MVP: variants seen among roughly 807,000 people sequenced by gnomAD.
The protein encoded by MVP is major vault protein.
Under a neutral mutation model 83.5 loss-of-function variants are expected in MVP, and 62 were observed. The observed-to-expected ratio is 0.74, with a 90% CI of 0.61 to 0.92. The LOEUF is 0.92. Ranked by LOEUF, MVP falls within the 40% of genes least tolerant of loss-of-function variation. MVP has a pLI of 0.00. For missense variants in MVP, 1,000 were observed against 1,203.4 expected (o/e 0.83, Z 2.50); for synonymous variants, 505 against 504.1 (o/e 1.00, Z -0.02).
intron 11 of MVP, among the ~76,000 whole-genome samples, 200 bp downstream of exon 11, chr16:29,845,079 G>A (rs1004565084): frequency 3.9e-5 from 6 of 151,900 alleles, no homozygotes; most frequent in Non-Finnish European, 7.4e-5. Context: ...TCCCAGCACT[G>A]TGAGAGGCTG....
In MVP at chr16:29,841,485, G is replaced by A; in HGVS notation, c.1192-111G>A. ...AGCCTGGCCTCCCCGTAGAGAAGGT[G>A]TTTAACCTCGTGGCGCGCCTTCCCT... is the stretch of plus-strand genomic sequence containing the variant. On this transcript the variant is annotated intron_variant, in intron 8 of 14. Coordinates refer to ENST00000357402, the MANE Select transcript of MVP (RefSeq NM_005115.5). This position sits in a 1 kb window ranked among gnomAD's most constrained non-coding sequence, Gnocchi z 4.7. 3 of 1,392,410 alleles carry A rather than the reference G, an allele frequency of 2.2e-6. No homozygotes were observed. The highest frequency in any genetic ancestry group is 2.9e-6 in the Non-Finnish European group (3 of 1,044,360). The allele number at this position is 1,392,410 out of a possible 1,614,324, so 86.3% of individuals were successfully genotyped here.
chr16:29,821,604 C>T (rs2150748566), intron 1 of MVP, among the ~76,000 whole-genome samples: 1 of 152,302 alleles, frequency 6.6e-6, no homozygotes, highest in South Asian at 2.1e-4. Context: ...TTCTTGTTCT[C>T]GGCTTAGAAT....
At chr16:29,837,563 G>A (rs1340996449) in intron 7 of MVP, among the ~76,000 whole-genome samples, 1 of 152,156 alleles carries the variant, frequency 6.6e-6, no homozygotes, top group Non-Finnish European at 1.5e-5. Context: ...AGACTAGCCT[G>A]GCCAACGTGG....
In MVP at chr16:29,841,450, C is replaced by T. The variant is rs1039699307; in HGVS notation, c.1192-146C>T. ...GATGACAGGGCCAGCAGATGGCAAA[C>T]CCGGGGTGGAGCCTGGCCTCCCCGT... On this transcript the variant is annotated intron_variant, in intron 8 of 14. Transcript: ENST00000357402. This position sits in a 1 kb window ranked among gnomAD's most constrained non-coding sequence, Gnocchi z 4.7. The T allele has an allele frequency of 1.1e-4, 125 of 1,115,350 alleles. 2 individuals are homozygous for T. In the South Asian group the frequency reaches 2.1e-3, roughly 18 times the overall value. The allele number at this position is 1,115,350 out of a possible 1,614,324, so 69.1% of individuals were successfully genotyped here. A position where few individuals can be genotyped will look rare whatever the true frequency, so the allele number is the denominator to read the frequency against.
chr16:29,841,926 G>A lies in MVP; in HGVS notation c.1448G>A (p.Gly483Glu). 1 of 1,612,490 alleles carries A rather than the reference G, an allele frequency of 6.2e-7. No homozygotes were observed. Among genetic ancestry groups the A allele is most frequent in the Non-Finnish European group, 8.5e-7 (1 of 1,180,020 alleles). The change falls in exon 10 of 15, where the codon GGG (glycine) becomes GAG (glutamate). Residue 483 changes from glycine to glutamate, a missense_variant. By Grantham distance (98) the Gly-to-Glu change is moderately conservative (BLOSUM62 -2). Coordinates refer to ENST00000357402, the MANE Select transcript of MVP (RefSeq NM_005115.5). This position sits in a 1 kb window ranked among gnomAD's most constrained non-coding sequence, Gnocchi z 4.7. The part of the protein sequence containing the change: ...YREKRARVVF[G>E]PELVSLGPEE... ...GGCTGTCTCTGCAGCGTGGTCTTCG[G>A]GCCTGAGCTGGTGTCGCTGGGTCCT...
Position 29,836,746 on chromosome 16 carries a change from C to T in MVP, c.697C>T (p.Arg233Trp), listed in dbSNP as rs138398827. Residue 233 changes from arginine to tryptophan, a missense_variant, in exon 7 of 15, where the codon CGG becomes TGG. Arg to Trp is a moderately radical substitution (Grantham distance 101). Transcript: ENST00000357402. ...GACAGCCCTGCACCTCCGGGCTCGG[C>T]GGAACTTCCGGGACTTCAGGGGAGT... ...EKTALHLRAR[R>W]NFRDFRGVSR... The T allele has an allele frequency of 1.9e-5, 30 of 1,599,572 alleles. No homozygotes were observed. Among genetic ancestry groups the T allele is most frequent in the Non-Finnish European group, 2.6e-5 (30 of 1,170,162 alleles).
chr16:29,845,804 C>T (rs1376776645), intron 11 of MVP, 59 bp from the exon 12 acceptor site: 41 of 1,511,510 alleles, frequency 2.7e-5, no homozygotes, highest in Admixed American at 7.2e-5. Context: ...CTGCCCTTGG[C>T]GCTCCTGTTC....
intron 1 of MVP, among the ~76,000 whole-genome samples, chr16:29,827,143 C>T (rs1051135594): frequency 1.3e-5 from 2 of 151,962 alleles, no homozygotes; most frequent in East Asian, 1.9e-4. Flanking sequence ...GTTCCCAAAC[C>T]GCAGAAGAGG....
chr16:29,825,266 T>G (rs536117162), intron 1 of MVP, among the ~76,000 whole-genome samples: 1 of 152,188 alleles, frequency 6.6e-6, no homozygotes, highest in South Asian at 2.1e-4. Flanking sequence ...AAGCAGAGAC[T>G]GAAGGAAGTT....
At position 29,831,303 on chromosome 16, in the gene MVP, G is replaced by A. The variant is rs534526675; in HGVS notation, c.321+230G>A. 9.2e-5 allele frequency among the ~76,000 whole-genome samples: 14 copies of A among 152,198 alleles called. No individual in the cohort carries two copies. In the South Asian group the frequency reaches 1.2e-3, roughly 14 times the overall value. On this transcript the variant is annotated intron_variant, in intron 3 of 14. Transcript: ENST00000357402. ...TCAGTAGCTGGGATTACAGGCACCC[G>A]CCACCACGCCCGGCTAATTTTTGTA...
At position 29,830,908 on chromosome 16, in the gene MVP, C is replaced by T. The variant is rs372092189; in HGVS notation, c.156C>T (p.Thr52=). The change falls in exon 3 of 15, where the codon ACC becomes ACT. Residue 52 remains threonine, a synonymous_variant. Transcript: ENST00000357402. ...TGTTTGCCCCCATGCGCATGGTGAC[C>T]GTCCCCCCACGTCACTACTGCACAG... The part of the protein sequence containing the change: ...RVLFAPMRMV[T]VPPRHYCTVA... 24 of 1,613,130 alleles carry T rather than the reference C, an allele frequency of 1.5e-5. No individual in the cohort carries two copies. The highest frequency in any genetic ancestry group is 8.9e-5 in the East Asian group (4 of 44,846).
intron 1 of MVP, chr16:29,830,003 C>T (rs900678731): frequency 1.3e-5 from 2 of 154,522 alleles, no homozygotes; most frequent in Admixed American, 1.3e-4. Context: ...TGGCTATGGG[C>T]TGACATTTGA....
chr16:29,825,450 T>C (rs1331816994), intron 1 of MVP, among the ~76,000 whole-genome samples: 1 of 152,214 alleles, frequency 6.6e-6, no homozygotes. Context: ...AATCTGAGAC[T>C]TGTCACCAAT....
At chr16:29,832,506 C>T (rs1411188802) in intron 3 of MVP, among the ~76,000 whole-genome samples, 2 of 150,784 alleles carry the variant, frequency 1.3e-5, no homozygotes, top group Non-Finnish European at 3.0e-5. Flanking sequence ...ACCGTGTTAG[C>T]CAGGGTGGTC....
intron 3 of MVP, among the ~76,000 whole-genome samples, chr16:29,831,964 T>A (rs958967664): frequency 2.0e-5 from 3 of 152,224 alleles, no homozygotes; most frequent in African/African-American, 7.2e-5. Flanking sequence ...TTGTTTTTAA[T>A]AGAGACGGGG....
intron 1 of MVP, among the ~76,000 whole-genome samples, chr16:29,826,360 C>T (rs191526511): frequency 7.2e-4 from 109 of 152,242 alleles, no homozygotes; most frequent in African/African-American, 2.5e-3. Context: ...TGGCTGGGTG[C>T]GGTGGCTCCA....
chr16:29,842,102 G>T lies in MVP; in HGVS notation c.1624G>T (p.Ala542Ser). The change falls in exon 10 of 15, where the codon GCC (alanine) becomes TCC (serine). Residue 542 changes from alanine (A) to serine (S), a missense_variant. Ala to Ser is a moderately conservative substitution (Grantham distance 99). Transcript: ENST00000357402. ...ADHARLQLQLAYNWHFEVNDR... is the reference protein window; with the variant it reads ...ADHARLQLQLSYNWHFEVNDR... ...TCATGCCAGGCTGCAACTGCAGCTGGCCTACAACTGGTAAAAATGGGGACA... is the reference window on the plus strand; with the variant it reads ...TCATGCCAGGCTGCAACTGCAGCTGTCCTACAACTGGTAAAAATGGGGACA... 1 of 1,600,986 alleles carries T rather than the reference G, an allele frequency of 6.2e-7. No homozygotes were observed. Among genetic ancestry groups the T allele is most frequent in the Non-Finnish European group, 8.5e-7 (1 of 1,178,280 alleles).
Position 29,840,365 on chromosome 16 carries a change from T to C in MVP, c.1097T>C (p.Val366Ala). 1 of 1,604,142 alleles carries C rather than the reference T, an allele frequency of 6.2e-7. No homozygotes were observed. The highest frequency in any genetic ancestry group is 8.5e-7 in the Non-Finnish European group (1 of 1,176,044). Residue 366 changes from valine (V) to alanine (A), a missense_variant, in exon 8 of 15, where the codon GTG (valine) becomes GCG (alanine). Coordinates refer to ENST00000357402, the MANE Select transcript of MVP (RefSeq NM_005115.5). ...HWLIRGPLEY[V>A]PSAKVEVVEE... ...CTCATCCGCGGACCCCTGGAGTATG[T>C]GCCATCTGCCAAAGTGGAGGTGGTG...
At chr16:29,835,342 A>T (rs2150754893) in intron 5 of MVP, 1 of 165,836 alleles carries the variant, frequency 6.0e-6, no homozygotes, top group African/African-American at 2.4e-5. Context: ...AAAAATACAA[A>T]TATTAGCCGG....
Sources: allele counts gnomAD v4.1 joint callset (sites outside exome capture counted in the v4.1 genomes callset), GRCh38; gene constraint gnomAD v4.1.1; non-coding constraint Gnocchi (gnomAD v3.1); transcripts MANE v1.5; gene names NCBI Gene and HGNC (gene_info 2026-07-23, HGNC 2026-07-21).